Variants in DGKK observed in about 807,000 individuals in gnomAD.
DGKK encodes the protein 142 kDa diacylglycerol kinase.
A neutral mutation model predicts 92.2 loss-of-function variants in DGKK; 35 were observed. That is an observed-to-expected ratio of 0.38 (90% CI 0.29 to 0.50). The LOEUF (loss-of-function observed/expected upper bound fraction) is 0.50. Among genes scored for constraint, DGKK ranks in the 20% least tolerant of loss-of-function variants. The pLI is 0.92. For synonymous variants in DGKK, 368 were observed against 360.6 expected (o/e 1.02, Z -0.23); for missense variants, 910 against 992.2 (o/e 0.92, Z 1.11).
In DGKK at chrX:50,383,359, T is replaced by G. The variant is rs1401661234; in HGVS notation, c.2550-756A>C. On this transcript the variant is annotated intron_variant, in intron 17 of 27. Coordinates refer to ENST00000611977, the MANE Select transcript of DGKK (RefSeq NM_001013742.4). Reference sequence around the variant, plus strand: ...CAGTGCACTATTGATCAAAATTCATTAGGTAGATCCATGAGAGCTCAGACA... The same window carrying G: ...CAGTGCACTATTGATCAAAATTCATGAGGTAGATCCATGAGAGCTCAGACA... 3.6e-5 allele frequency among the ~76,000 whole-genome samples: 4 copies of G among 111,268 alleles called. No homozygotes were observed. The East Asian group carries it at 1.1e-3, about 31-fold the overall frequency.
Position 50,454,760 on chromosome X carries a change from G to A in DGKK, c.645+15274C>T, listed in dbSNP as rs782708640. Among the ~76,000 whole-genome samples the A allele has an allele frequency of 2.7e-5, 3 of 111,720 alleles. No homozygotes were observed. The South Asian group carries it at 1.1e-3, about 42-fold the overall frequency. On this transcript the variant is annotated intron_variant, in intron 1 of 27. Transcript: ENST00000611977. ...ACTTGAATTTGGAGCTAGATTGTCAGTAGGACTAATGCAAGCCTCTCTTTT... is the reference window on the plus strand; with the variant it reads ...ACTTGAATTTGGAGCTAGATTGTCAATAGGACTAATGCAAGCCTCTCTTTT...
At chrX:50,418,992 A>G (rs1355909185) in intron 4 of DGKK, among the ~76,000 whole-genome samples, 1 of 112,178 alleles carries the variant, frequency 8.9e-6, no homozygotes, top group Admixed American at 9.5e-5. Flanking sequence ...ATATTGGTCC[A>G]CAGGGACAAA....
rs1557232037 is a variant in DGKK at position 50,447,366 on chromosome X, ATATT to A, written c.645+22664_645+22667del. On this transcript the variant is annotated intron_variant, in intron 1 of 27. Transcript: ENST00000611977. ...TATTATATATATATATAATATATAT[ATATT>A]ATATATATATATAATATATATATAT... Among the ~76,000 whole-genome samples the A allele has an allele frequency of 3.7e-4, 5 of 13,528 alleles. No individual in the cohort carries two copies. In the African/African-American group the frequency reaches 4.3e-3, roughly 12 times the overall value. 11.7% of individuals were successfully genotyped at this position (13,528 alleles called of 115,157 possible).
chrX:50,391,643 C>T (rs2046005968), intron 10 of DGKK, 67 bp from the exon 11 acceptor site: 14 of 1,111,832 alleles, frequency 1.3e-5, no homozygotes, highest in Non-Finnish European at 1.3e-5. Context: ...ATGAAGGAAC[C>T]CAGAGGGTAC....
At chrX:50,430,684 A>G (rs782210022) in intron 1 of DGKK, among the ~76,000 whole-genome samples, 2 of 111,913 alleles carry the variant, frequency 1.8e-5, no homozygotes, top group Non-Finnish European at 3.8e-5. Flanking sequence ...ACTCTGCTTC[A>G]GTTTCATTCT....
At chrX:50,466,796 T>TA (rs1358051567) in intron 1 of DGKK, among the ~76,000 whole-genome samples, 1 of 111,857 alleles carries the variant, frequency 8.9e-6, no homozygotes, top group African/African-American at 3.3e-5. Flanking sequence ...AGATATCATA[T>TA]AAACAAATGC....
intron 8 of DGKK, among the ~76,000 whole-genome samples, chrX:50,400,418 C>A (rs905002327): frequency 1.7e-4 from 19 of 112,052 alleles, no homozygotes; most frequent in African/African-American, 5.5e-4. Context: ...TTCTCATTTC[C>A]AAATGTCTCT....
intron 4 of DGKK, among the ~76,000 whole-genome samples, chrX:50,419,200 T>C (rs1289385589): frequency 1.8e-5 from 2 of 111,606 alleles, no homozygotes; most frequent in African/African-American, 3.3e-5. Flanking sequence ...CAAGGATCTC[T>C]CAATTTAAGC....
intron 24 of DGKK, among the ~76,000 whole-genome samples, chrX:50,375,550 T>C (rs1025804145): frequency 1.8e-5 from 2 of 111,572 alleles, no homozygotes; most frequent in African/African-American, 3.3e-5. Flanking sequence ...TTTAAAAGCA[T>C]CAGTTAACAA....
At chrX:50,451,879 CTTG>C (rs1926503171) in intron 1 of DGKK, among the ~76,000 whole-genome samples, 1 of 111,877 alleles carries the variant, frequency 8.9e-6, no homozygotes, top group South Asian at 3.7e-4. Flanking sequence ...GATAGCCATC[CTTG>C]TTGTTCTGAC....
At chrX:50,465,153 T>C (rs1471654734) in intron 1 of DGKK, among the ~76,000 whole-genome samples, 4 of 112,074 alleles carry the variant, frequency 3.6e-5, no homozygotes, top group Non-Finnish European at 7.5e-5. Flanking sequence ...TTAGAAATAC[T>C]GTTTAACTTA....
chrX:50,427,937 C>A (rs939722064), intron 1 of DGKK, among the ~76,000 whole-genome samples: 1 of 110,661 alleles, frequency 9.0e-6, no homozygotes, highest in Non-Finnish European at 1.9e-5. Flanking sequence ...TGTGATATGG[C>A]AGGGGCATAA....
chrX:50,397,082 A>G, intron 8 of DGKK, among the ~76,000 whole-genome samples: 1 of 112,372 alleles, frequency 8.9e-6, no homozygotes, highest in South Asian at 3.7e-4. Context: ...GCTCAAGGAC[A>G]TAAATTGTAC....
At chrX:50,376,261 G>T (rs1466250244) in intron 23 of DGKK, 96 bp from the exon 24 acceptor site, 4 of 922,473 alleles carry the variant, frequency 4.3e-6, no homozygotes, top group Non-Finnish European at 4.5e-6. Flanking sequence ...AGAAGTGAAA[G>T]CCCTGGGTAC....
chrX:50,436,726 CT>C lies in DGKK; in HGVS notation c.646-12369del, dbSNP rs1242739148. ...AGGCCAGGTAAGTAATGCTATTGGC[CT>C]TTTTTTTTTTCAGGTAATAATACCG... On this transcript the variant is annotated intron_variant, in intron 1 of 27. Transcript: ENST00000611977. Among the ~76,000 whole-genome samples the C allele has an allele frequency of 5.0e-4, 52 of 103,591 alleles. 1 individual carries two copies. The highest frequency in any genetic ancestry group is 5.2e-3 in the Middle Eastern group (1 of 193). 90.0% of individuals were successfully genotyped at this position (103,591 alleles called of 115,157 possible).
chrX:50,404,531 C>T (rs1022272934), intron 4 of DGKK, among the ~76,000 whole-genome samples: 30 of 106,270 alleles, frequency 2.8e-4, no homozygotes, highest in African/African-American at 8.6e-4. Flanking sequence ...CTGCAACCTC[C>T]GCCTCCCGGA....
chrX:50,401,635 C>T (rs1557226648), intron 7 of DGKK, among the ~76,000 whole-genome samples: 1 of 110,958 alleles, frequency 9.0e-6, no homozygotes, highest in African/African-American at 3.3e-5. Flanking sequence ...GACTCTGCTG[C>T]CTTTCCCACA....
At chrX:50,384,862 A>G (rs782700164) in intron 15 of DGKK, 38 bp from the exon 16 acceptor site, 1 of 1,032,457 alleles carries the variant, frequency 9.7e-7, no homozygotes, top group African/African-American at 1.9e-5. Context: ...GCAAAAAAGA[A>G]AGGAGGAAGG....
At chrX:50,387,112 C>G (rs1042750257) in intron 14 of DGKK, among the ~76,000 whole-genome samples, 1 of 111,587 alleles carries the variant, frequency 9.0e-6, no homozygotes, top group Non-Finnish European at 1.9e-5. Flanking sequence ...CCTCCATATT[C>G]TAGGGTAGTT....
Sources: allele counts gnomAD v4.1 joint callset (sites outside exome capture counted in the v4.1 genomes callset), GRCh38; gene constraint gnomAD v4.1.1; transcripts MANE v1.5; gene names NCBI Gene and HGNC (gene_info 2026-07-23, HGNC 2026-07-21).